ATP2A3: variants seen among roughly 807,000 people sequenced by gnomAD.
ATP2A3 encodes ATPase sarcoplasmic/endoplasmic reticulum Ca2+ transporting 3, also known as sarcoplasmic/endoplasmic reticulum calcium ATPase 3.
In ATP2A3, 61 loss-of-function variants were observed where a neutral mutation model predicts 106.8. That is an observed-to-expected ratio of 0.57 (90% CI 0.46 to 0.71). ATP2A3 has a LOEUF of 0.71. Among genes scored for constraint, ATP2A3 ranks in the 30% least tolerant of loss-of-function variants. ATP2A3 has a pLI of 0.00. For missense variants in ATP2A3, 1,201 were observed against 1,423.5 expected, an observed-to-expected ratio of 0.84 and a Z score of 2.52; for synonymous variants, 611 against 609.3, an observed-to-expected ratio of 1.00 and a Z score of -0.04.
chr17:3,947,868 G>A lies in ATP2A3; in HGVS notation c.631-13C>T, dbSNP rs778437047. 2 of 1,598,186 alleles carry A rather than the reference G, an allele frequency of 1.3e-6. No homozygotes were observed. Among genetic ancestry groups the A allele is most frequent in the Non-Finnish European group, 1.7e-6 (2 of 1,179,750 alleles). Reference sequence around the variant, plus strand: ...TGATATTGGTGCCCTGGCCAGGGGAGGGACAAGGAAAAAGCTGCTCAGCAG... The same window carrying A: ...TGATATTGGTGCCCTGGCCAGGGGAAGGACAAGGAAAAAGCTGCTCAGCAG... On this transcript the variant is annotated splice_polypyrimidine_tract_variant and intron_variant, in intron 7 of 20. Transcript: ENST00000397041. The surrounding 1 kb of genome is among the most constrained non-coding windows in gnomAD (Gnocchi z 7.7).
In ATP2A3 at chr17:3,944,689, G is replaced by A. The variant is rs1450871003; in HGVS notation, c.1287+15C>T. ...CCTGGATACTAGGGAGGTCATGAAA[G>A]GGGGTGAGGCCCACCTCGTTGTAGT... On this transcript the variant is annotated intron_variant, in intron 10 of 20. Coordinates refer to ENST00000397041, the MANE Select transcript of ATP2A3 (RefSeq NM_005173.4). The A allele has an allele frequency of 2.0e-5, 33 of 1,610,972 alleles. No individual in the cohort carries two copies. Among genetic ancestry groups the A allele is most frequent in the Non-Finnish European group, 2.5e-5 (30 of 1,178,362 alleles).
In ATP2A3 at chr17:3,937,313, G is replaced by C. The variant is rs1214353719; in HGVS notation, c.2321+103C>G. ...AAAGCCCCAGCCAGGGCAGGGCACA[G>C]GCCCCTCCATCCCTGCAGCGCATCC... On this transcript the variant is annotated intron_variant, in intron 15 of 20. Transcript: ENST00000397041. 52 of 1,337,534 alleles carry C rather than the reference G, an allele frequency of 3.9e-5. No homozygotes were observed. In the Admixed American group the frequency reaches 9.8e-4, roughly 25 times the overall value. 82.9% of individuals were successfully genotyped at this position (1,337,534 alleles called of 1,614,324 possible). A position where few individuals can be genotyped will look rare whatever the true frequency, so the allele number is the denominator to read the frequency against.
At position 3,924,474 on chromosome 17, in the gene ATP2A3, G is replaced by A; in HGVS notation, c.*948C>T. ...GCCAAGAGTCCAGGAAGCCCACCAG[G>A]CTCAGAGGCCCCCAGCTGTGCAGAC... On this transcript the variant is annotated 3_prime_UTR_variant, in exon 21 of 21. Transcript: ENST00000397041. This position sits in a 1 kb window ranked among gnomAD's most constrained non-coding sequence, Gnocchi z 6.4. The A allele has an allele frequency of 3.7e-6, 1 of 271,498 alleles. No homozygotes were observed. Among genetic ancestry groups the A allele is most frequent in the Non-Finnish European group, 7.4e-6 (1 of 134,938 alleles). The allele number at this position is 271,498 out of a possible 1,614,324, so 16.8% of individuals were successfully genotyped here. A position where few individuals can be genotyped will look rare whatever the true frequency, so the allele number is the denominator to read the frequency against.
chr17:3,952,505 G>A (rs2054507454), intron 3 of ATP2A3, among the ~76,000 whole-genome samples: 1 of 152,228 alleles, frequency 6.6e-6, no homozygotes, highest in Non-Finnish European at 1.5e-5. Context: ...CCATGTGGGG[G>A]ACACTGGGAT....
chr17:3,951,558 G>GCCCCCCCCCCCCCCCC, intron 4 of ATP2A3, 23 bp downstream of exon 4: 1 of 716,234 alleles, frequency 1.4e-6, no homozygotes, highest in Non-Finnish European at 2.1e-6. Flanking sequence ...CCCCCGCCCG[G>GCCCCCCCCCCCCCCCC]TCCCACCCCC....
At chr17:3,940,813 T>C (rs1270710250) in intron 14 of ATP2A3, among the ~76,000 whole-genome samples, 158 bp downstream of exon 14, 1 of 152,194 alleles carries the variant, frequency 6.6e-6, no homozygotes, top group Non-Finnish European at 1.5e-5. Flanking sequence ...TGGCCCAGAA[T>C]AACATTATTT....
Position 3,943,444 on chromosome 17 carries a change from C to T in ATP2A3, c.1366G>A (p.Asp456Asn), listed in dbSNP as rs372249522. Residue 456 changes from aspartate (D) to asparagine (N), a missense_variant, in exon 11 of 21, where the codon GAC becomes AAC. Asp to Asn is a conservative substitution (Grantham distance 23, BLOSUM62 1). This residue lies in a region of ATP2A3 where 935 missense variants were observed against 1,176.7 expected (regional missense o/e 0.79). Coordinates refer to ENST00000397041, the MANE Select transcript of ATP2A3 (RefSeq NM_005173.4). ...CGGGACAGAGCCTGCAGGTCGGTGT[C>T]GAACACGTTCATCTTCTCCACCAGG... The part of the protein sequence containing the change: ...TCLVEKMNVF[D>N]TDLQALSRVE... The T allele has an allele frequency of 7.4e-6, 12 of 1,613,988 alleles. No homozygotes were observed. The highest frequency in any genetic ancestry group is 2.7e-5 in the African/African-American group (2 of 74,908).
chr17:3,928,906 G>A lies in ATP2A3; in HGVS notation c.2863-126C>T. On this transcript the variant is annotated intron_variant, in intron 19 of 20. Transcript: ENST00000397041. This position sits in a 1 kb window ranked among gnomAD's most constrained non-coding sequence, Gnocchi z 6.1. ...CATGAGCGCTCCTAAGAACCCCCTG[G>A]ATGCACCCCCGATCTTTGTCCACTC... 1.4e-6 allele frequency: 1 copy of A among 696,826 alleles called. No homozygotes were observed. The highest frequency in any genetic ancestry group is 2.5e-6 in the Non-Finnish European group (1 of 404,746). The allele number at this position is 696,826 out of a possible 1,614,324, so 43.2% of individuals were successfully genotyped here. A position where few individuals can be genotyped will look rare whatever the true frequency, so the allele number is the denominator to read the frequency against.
Position 3,936,565 on chromosome 17 carries a change from A to C in ATP2A3, c.2322-96T>G. ...CAGACCCAAGGCTGGGAGCTCACCC[A>C]CCCACTGTCTCCACAGCAGCCCCTC... On this transcript the variant is annotated intron_variant, in intron 15 of 20. Transcript: ENST00000397041. The surrounding 1 kb of genome is among the most constrained non-coding windows in gnomAD (Gnocchi z 5.4). 1 of 1,330,944 alleles carries C rather than the reference A, an allele frequency of 7.5e-7. No individual in the cohort carries two copies. Among genetic ancestry groups the C allele is most frequent in the East Asian group, 2.4e-5 (1 of 42,378 alleles). 82.4% of individuals were successfully genotyped at this position (1,330,944 alleles called of 1,614,324 possible).
In ATP2A3 at chr17:3,947,435, C is replaced by A; in HGVS notation, c.1051G>T (p.Asp351Tyr). Residue 351 changes from aspartate (D) to tyrosine (Y), a missense_variant, in exon 8 of 21, where the codon GAC (aspartate) becomes TAC (tyrosine). Around this residue, in one of 2 missense-constraint regions of ATP2A3, gnomAD observed 935 missense variants for 1,176.7 expected, o/e 0.79. Coordinates refer to ENST00000397041, the MANE Select transcript of ATP2A3 (RefSeq NM_005173.4). The surrounding 1 kb of genome is among the most constrained non-coding windows in gnomAD (Gnocchi z 7.7). ...TTGGTGGTGAGCGTGCCCGTCTTGT[C>A]GGAGCAGATGACTGAGGTGCAGCCC... is the stretch of plus-strand genomic sequence containing the variant. ...TLGCTSVICS[D>Y]KTGTLTTNQM... The A allele has an allele frequency of 6.2e-7, 1 of 1,613,886 alleles. No homozygotes were observed. The highest frequency in any genetic ancestry group is 8.5e-7 in the Non-Finnish European group (1 of 1,180,034).
Position 3,955,967 on chromosome 17 carries a change from C to T in ATP2A3, c.119-2257G>A, listed in dbSNP as rs375274668. On this transcript the variant is annotated intron_variant, in intron 1 of 20. Transcript: ENST00000397041. This position sits in a 1 kb window ranked among gnomAD's most constrained non-coding sequence, Gnocchi z 4.2. Reference sequence around the variant, plus strand: ...CGGGATCTTGGCTTACTGCAACCTCCGCCTCCCAGGTTCAAGCGATTCTCC... The same window carrying T: ...CGGGATCTTGGCTTACTGCAACCTCTGCCTCCCAGGTTCAAGCGATTCTCC... Among the ~76,000 whole-genome samples the T allele has an allele frequency of 2.6e-5, 4 of 152,124 alleles. No individual in the cohort carries two copies. Among genetic ancestry groups the T allele is most frequent in the East Asian group, 3.9e-4 (2 of 5,180 alleles).
Position 3,928,454 on chromosome 17 carries a change from GC to G in ATP2A3, c.2980+208del. 1.9e-6 allele frequency: 2 copies of G among 1,058,766 alleles called. No homozygotes were observed. Among genetic ancestry groups the G allele is most frequent in the Non-Finnish European group, 2.8e-6 (2 of 707,688 alleles). The allele number at this position is 1,058,766 out of a possible 1,614,324, so 65.6% of individuals were successfully genotyped here. A position where few individuals can be genotyped will look rare whatever the true frequency, so the allele number is the denominator to read the frequency against. ...GGTGCTCCCGTTGCTGGCCCAGTGA[GC>G]CCAGGTCCCCTGCAGTGCAAGACCC... On this transcript the variant is annotated intron_variant, in intron 20 of 20. Transcript: ENST00000397041. This position sits in a 1 kb window ranked among gnomAD's most constrained non-coding sequence, Gnocchi z 6.1.
intron 8 of ATP2A3, among the ~76,000 whole-genome samples, chr17:3,945,917 T>C (rs752002915): frequency 6.6e-6 from 1 of 152,196 alleles, no homozygotes; most frequent in Non-Finnish European, 1.5e-5. Context: ...ATCCAGCACG[T>C]AAGGCCCCTA....
chr17:3,944,933 G>A (rs935629928), intron 9 of ATP2A3, 127 bp from the exon 10 acceptor site: 3 of 1,329,576 alleles, frequency 2.3e-6, no homozygotes, highest in Non-Finnish European at 3.0e-6. Flanking sequence ...CCGCCTCCTG[G>A]CCCCGCCCCG....
At position 3,925,839 on chromosome 17, in the gene ATP2A3, C is replaced by G. The variant is rs2052679138; in HGVS notation, c.2981-398G>C. ...AGAGCTCATCTCTCCCACTGCCTTC[C>G]CCAACCAGGCCTCAAGGCCTCAAGG... is the stretch of plus-strand genomic sequence containing the variant. On this transcript the variant is annotated intron_variant, in intron 20 of 20. Coordinates refer to ENST00000397041, the MANE Select transcript of ATP2A3 (RefSeq NM_005173.4). This position sits in a 1 kb window ranked among gnomAD's most constrained non-coding sequence, Gnocchi z 4.2. Among the ~76,000 whole-genome samples, 1 of 152,154 alleles carries G rather than the reference C, an allele frequency of 6.6e-6. No individual in the cohort carries two copies.
In ATP2A3 at chr17:3,958,889, T is replaced by C. The variant is rs894792627; in HGVS notation, c.119-5179A>G. ...ATATATACACACACACACACACACA[T>C]ATATATATATTGTTTTTTTTCAGAT... On this transcript the variant is annotated intron_variant, in intron 1 of 20. Transcript: ENST00000397041. Among the ~76,000 whole-genome samples the C allele has an allele frequency of 2.0e-4, 25 of 126,958 alleles. 3 individuals are homozygous for C. Among genetic ancestry groups the C allele is most frequent in the East Asian group, 1.1e-3 (5 of 4,574 alleles). The allele number at this position is 126,958 out of a possible 152,430, so 83.3% of individuals were successfully genotyped here. A position where few individuals can be genotyped will look rare whatever the true frequency, so the allele number is the denominator to read the frequency against.
At chr17:3,959,839 C>T (rs1476520363) in intron 1 of ATP2A3, among the ~76,000 whole-genome samples, 2 of 152,354 alleles carry the variant, frequency 1.3e-5, no homozygotes, top group African/African-American at 2.4e-5. Context: ...GCGGGGCCTG[C>T]AGCACCCCTG....
Position 3,955,032 on chromosome 17 carries a change from T to G in ATP2A3, c.119-1322A>C, listed in dbSNP as rs1161522931. Among the ~76,000 whole-genome samples, 2 of 152,162 alleles carry G rather than the reference T, an allele frequency of 1.3e-5. No homozygotes were observed. The highest frequency in any genetic ancestry group is 4.8e-5 in the African/African-American group (2 of 41,450). The stretch of plus-strand genomic sequence containing the variant: ...GGGATGAGAGGGGCGGGAGCCAGGC[T>G]CTGCAGGGTGGGCTTGGAGAAGCTC... On this transcript the variant is annotated intron_variant, in intron 1 of 20. Coordinates refer to ENST00000397041, the MANE Select transcript of ATP2A3 (RefSeq NM_005173.4). The surrounding 1 kb of genome is among the most constrained non-coding windows in gnomAD (Gnocchi z 4.2).
Position 3,926,785 on chromosome 17 carries a change from G to A in ATP2A3, c.2981-1344C>T, listed in dbSNP as rs943331883. ...GGGTTTCACCATGTTGGCCAGGCTGGTCTCTAACTCCTGACTCAGGTGATC... is the reference window on the plus strand; with the variant it reads ...GGGTTTCACCATGTTGGCCAGGCTGATCTCTAACTCCTGACTCAGGTGATC... On this transcript the variant is annotated intron_variant, in intron 20 of 20. Transcript: ENST00000397041. The surrounding 1 kb of genome is among the most constrained non-coding windows in gnomAD (Gnocchi z 4.6). The A allele has an allele frequency of 3.4e-6, 3 of 872,996 alleles. No individual in the cohort carries two copies. The African/African-American group carries it at 5.5e-5, about 16-fold the overall frequency. The allele number at this position is 872,996 out of a possible 1,614,324, so 54.1% of individuals were successfully genotyped here. A position where few individuals can be genotyped will look rare whatever the true frequency, so the allele number is the denominator to read the frequency against.
Sources: allele counts gnomAD v4.1 joint callset (sites outside exome capture counted in the v4.1 genomes callset), GRCh38; gene constraint gnomAD v4.1.1; regional missense constraint gnomAD v4.1.1; non-coding constraint Gnocchi (gnomAD v3.1); transcripts MANE v1.5; gene names NCBI Gene and HGNC (gene_info 2026-07-23, HGNC 2026-07-21).